Variants in RIMS2 observed in about 807,000 individuals in gnomAD.
RIMS2 encodes regulating synaptic membrane exocytosis 2.
RIMS2 carries 59 observed loss-of-function variants against 174.4 expected under a neutral mutation model. That is an observed-to-expected ratio of 0.34 (90% CI 0.27 to 0.42). The LOEUF (loss-of-function observed/expected upper bound fraction) is 0.42, where lower values mean the gene tolerates loss of function less well. Among genes scored for constraint, RIMS2 ranks in the 10% least tolerant of loss-of-function variants. The pLI is 1.00. For missense variants in RIMS2, 1,620 were observed against 1,666.3 expected, an observed-to-expected ratio of 0.97 and a Z score of 0.48; for synonymous variants, 606 against 572.5, an observed-to-expected ratio of 1.06 and a Z score of -0.84.
intron 19 of RIMS2, among the ~76,000 whole-genome samples, chr8:104,154,370 G>A (rs1255748086): frequency 2.0e-5 from 3 of 152,162 alleles, no homozygotes; most frequent in African/African-American, 7.2e-5. Context: ...GTACAATATG[G>A]TAGCGCTAGT....
Position 103,994,928 on chromosome 8 carries a change from TTTTATAAA to T in RIMS2, c.3044+5519_3044+5526del, listed in dbSNP as rs1290948739. Among the ~76,000 whole-genome samples, 5 of 151,912 alleles carry T rather than the reference TTTTATAAA, an allele frequency of 3.3e-5. 1 individual carries two copies. The highest frequency in any genetic ancestry group is 2.9e-5 in the Non-Finnish European group (2 of 67,924). On this transcript the variant is annotated intron_variant, in intron 17 of 23. Coordinates refer to ENST00000504942, the Ensembl canonical transcript of RIMS2. ...GAAATTGGATGATTTTATATATATA[TTTTATAAA>T]TTTATAAATTTTAGCAAGCTTTGAA...
At chr8:103,575,683 C>CATAT (rs371156171) in intron 1 of RIMS2, among the ~76,000 whole-genome samples, 16,396 of 145,548 alleles carry the variant, frequency 0.11, 1,111 homozygotes, top group Non-Finnish European at 0.16. Context: ...CACACACACA[C>CATAT]ACATATATAT....
At position 104,147,190 on chromosome 8, in the gene RIMS2, CTTCTCTTCTCTTCTT is replaced by C. The variant is rs1196618951; in HGVS notation, c.3335-97714_3335-97700del. Among the ~76,000 whole-genome samples the C allele has an allele frequency of 3.3e-5, 5 of 151,868 alleles. No homozygotes were observed. The East Asian group carries it at 7.7e-4, about 23-fold the overall frequency. On this transcript the variant is annotated intron_variant, in intron 19 of 23. Transcript: ENST00000504942. ...AGAAACATATTCTCATCTCTTTTCT[CTTCTCTTCTCTTCTT>C]TTCTCTTCTCTCCCCACCCACCTGC...
rs981658229 is a variant in RIMS2, at chr8:103,894,317, T to C, written c.1624+8094T>C. Reference sequence around the variant, plus strand: ...AGAATTTTGCAGTAGAAATATCTTCTAAGGTCAAAGTACAGTTCCAGCAAT... The same window carrying C: ...AGAATTTTGCAGTAGAAATATCTTCCAAGGTCAAAGTACAGTTCCAGCAAT... On this transcript the variant is annotated intron_variant, in intron 4 of 23. Transcript: ENST00000504942. 5.3e-5 allele frequency among the ~76,000 whole-genome samples: 8 copies of C among 151,646 alleles called. 2 individuals carry two copies. The highest frequency in any genetic ancestry group is 2.0e-4 in the African/African-American group (8 of 41,020).
At chr8:104,218,905 C>G (rs942497053) in intron 19 of RIMS2, among the ~76,000 whole-genome samples, 3 of 152,118 alleles carry the variant, frequency 2.0e-5, no homozygotes, top group Non-Finnish European at 4.4e-5. Context: ...CTGCCACAGG[C>G]GTAACCATGT....
intron 3 of RIMS2, among the ~76,000 whole-genome samples, chr8:103,831,255 C>T (rs562805663): frequency 6.6e-6 from 1 of 152,070 alleles, no homozygotes; most frequent in African/African-American, 2.4e-5. Flanking sequence ...AGCATTTACT[C>T]CCCCTTCCAA....
intron 1 of RIMS2, among the ~76,000 whole-genome samples, chr8:103,521,280 TATA>T (rs1831550750): frequency 1.3e-5 from 2 of 151,910 alleles, no homozygotes; most frequent in Non-Finnish European, 2.9e-5. Flanking sequence ...AAACTTAAAG[TATA>T]ATAATAATAA....
At chr8:103,676,495 C>T (rs1474173128) in intron 1 of RIMS2, among the ~76,000 whole-genome samples, 1 of 152,040 alleles carries the variant, frequency 6.6e-6, no homozygotes, top group Admixed American at 6.6e-5. Flanking sequence ...TCCTTCAGAA[C>T]AGGATATTAA....
At chr8:103,603,121 A>G (rs1026219580) in intron 1 of RIMS2, among the ~76,000 whole-genome samples, 1 of 147,796 alleles carries the variant, frequency 6.8e-6, no homozygotes, top group Non-Finnish European at 1.5e-5. Flanking sequence ...AGCATTAGGT[A>G]TATCTCCCAG....
intron 19 of RIMS2, among the ~76,000 whole-genome samples, chr8:104,240,687 G>T (rs975912188): frequency 3.9e-5 from 6 of 152,022 alleles, no homozygotes; most frequent in Non-Finnish European, 7.4e-5. Context: ...GATATCATCT[G>T]CCCTCCTCCC....
intron 19 of RIMS2, among the ~76,000 whole-genome samples, chr8:104,062,671 A>T (rs191363562): frequency 7.6e-4 from 115 of 152,288 alleles, no homozygotes; most frequent in African/African-American, 2.7e-3. Context: ...TACACTGATG[A>T]TACGTTTTTA....
At chr8:103,878,313 C>G (rs1022979477) in intron 3 of RIMS2, among the ~76,000 whole-genome samples, 1 of 151,808 alleles carries the variant, frequency 6.6e-6, no homozygotes, top group African/African-American at 2.4e-5. Flanking sequence ...TGAGAACAGA[C>G]TAAAGCAACC....
At chr8:103,961,626 T>G (rs748000065) in intron 15 of RIMS2, among the ~76,000 whole-genome samples, 3 of 152,178 alleles carry the variant, frequency 2.0e-5, no homozygotes, top group Non-Finnish European at 2.9e-5. Context: ...AGTTAGAAAC[T>G]TATCCAATGG....
At chr8:104,114,510 C>G (rs1043372743) in intron 19 of RIMS2, among the ~76,000 whole-genome samples, 1 of 151,840 alleles carries the variant, frequency 6.6e-6, no homozygotes, top group Non-Finnish European at 1.5e-5. Context: ...GGATTAGGTA[C>G]TACTATTTTC....
At chr8:103,942,625 A>G (rs1170145110) in intron 13 of RIMS2, 148 bp from the exon 16 acceptor site, 2 of 518,728 alleles carry the variant, frequency 3.9e-6, no homozygotes, top group Non-Finnish European at 3.4e-6. Context: ...TCAAGAACAT[A>G]TTGACAATTT....
intron 1 of RIMS2, among the ~76,000 whole-genome samples, chr8:103,527,289 C>T (rs1011699672): frequency 6.6e-6 from 1 of 152,146 alleles, no homozygotes; most frequent in Non-Finnish European, 1.5e-5. Flanking sequence ...TCCAAGACCC[C>T]TTGCAGATAC....
intron 16 of RIMS2, among the ~76,000 whole-genome samples, chr8:103,987,559 A>G (rs2094447615): frequency 6.6e-6 from 1 of 152,228 alleles, no homozygotes; most frequent in Admixed American, 6.5e-5. Flanking sequence ...AGAAATTTAC[A>G]TTAATAGCAG....
intron 14 of RIMS2, among the ~76,000 whole-genome samples, chr8:103,960,041 G>A (rs201536079): frequency 8.6e-6 from 1 of 116,622 alleles, no homozygotes; most frequent in Non-Finnish European, 2.3e-5. Flanking sequence ...CAAAAAACCC[G>A]TCAAAAAATC....
intron 4 of RIMS2, among the ~76,000 whole-genome samples, chr8:103,889,874 A>G (rs560330394): frequency 2.6e-5 from 4 of 151,930 alleles, no homozygotes; most frequent in African/African-American, 4.8e-5. Context: ...TGTAACAAAA[A>G]CAGAGAGGTT....
Sources: gnomAD v4.1 joint callset for allele counts (sites outside exome capture counted in the v4.1 genomes callset) on GRCh38, gnomAD v4.1.1 for gene constraint, MANE v1.5 for transcripts, NCBI Gene and HGNC (gene_info 2026-07-23, HGNC 2026-07-21) for gene names.